Variants in TTC28 observed in about 807,000 individuals in gnomAD.
TTC28 encodes the protein tetratricopeptide repeat domain 28.
A neutral mutation model predicts 198.0 loss-of-function variants in TTC28; 61 were observed. That is an observed-to-expected ratio of 0.31 (90% CI 0.25 to 0.38). The LOEUF (loss-of-function observed/expected upper bound fraction) is 0.38. Among genes scored for constraint, TTC28 ranks in the 10% least tolerant of loss-of-function variants. The pLI is 1.00. For synonymous variants in TTC28, 1,171 were observed against 1,297.8 expected (o/e 0.90, Z 2.10); for missense variants, 2,678 against 3,164.0 (o/e 0.85, Z 3.69).
rs1941966186 is a variant in TTC28 at position 28,096,185 on chromosome 22, C to A, written c.3766+5G>T. Reference sequence around the variant, plus strand: ...TTGCCCTGTTCCCACAGAAAGAGATCTTACCTGCCCCAGGAGCCAGCAGCC... The same window carrying A: ...TTGCCCTGTTCCCACAGAAAGAGATATTACCTGCCCCAGGAGCCAGCAGCC... On this transcript the variant is annotated splice_donor_5th_base_variant and intron_variant, in intron 11 of 22. Transcript: ENST00000397906. 2 of 1,536,252 alleles carry A rather than the reference C, an allele frequency of 1.3e-6. No individual in the cohort carries two copies. The highest frequency in any genetic ancestry group is 1.4e-5 in the African/African-American group (1 of 72,842).
intron 8 of TTC28, among the ~76,000 whole-genome samples, chr22:28,103,274 C>G (rs558907452): frequency 1.3e-5 from 2 of 152,192 alleles, no homozygotes; most frequent in Non-Finnish European, 2.9e-5. Context: ...AATTGATCCA[C>G]GCTCCCTTTC....
chr22:28,389,393 AT>A (rs2046674997), intron 2 of TTC28, among the ~76,000 whole-genome samples: 1 of 151,232 alleles, frequency 6.6e-6, no homozygotes, highest in Non-Finnish European at 1.5e-5. Flanking sequence ...TTTTCTATTG[AT>A]TGGAATAGTT....
intron 2 of TTC28, among the ~76,000 whole-genome samples, chr22:28,556,542 G>A (rs1468492916): frequency 6.6e-6 from 1 of 152,082 alleles, no homozygotes; most frequent in Admixed American, 6.5e-5. Flanking sequence ...TTTTCTTTCT[G>A]GTTACTTTTA....
chr22:28,562,555 G>C (rs936939481), intron 2 of TTC28, among the ~76,000 whole-genome samples: 1 of 152,186 alleles, frequency 6.6e-6, no homozygotes, highest in East Asian at 1.9e-4. Context: ...AAACAAGAAT[G>C]AGCATGTACC....
In TTC28 at chr22:28,458,868, G is replaced by A. The variant is rs534717417; in HGVS notation, c.382-152225C>T. Among the ~76,000 whole-genome samples, 20 of 147,798 alleles carry A rather than the reference G, an allele frequency of 1.4e-4. No individual in the cohort carries two copies. The East Asian group carries it at 2.0e-3, about 15-fold the overall frequency. On this transcript the variant is annotated intron_variant, in intron 2 of 22. Coordinates refer to ENST00000397906, the MANE Select transcript of TTC28 (RefSeq NM_001145418.2). ...TGCACTCCAGCCTGGGTGACAGAGCGAGACTCCATCTCAAAAAAAAAAAAA... is the reference window on the plus strand; with the variant it reads ...TGCACTCCAGCCTGGGTGACAGAGCAAGACTCCATCTCAAAAAAAAAAAAA...
intron 12 of TTC28, among the ~76,000 whole-genome samples, chr22:28,061,838 T>C (rs1940554835): frequency 6.6e-6 from 1 of 152,214 alleles, no homozygotes; most frequent in African/African-American, 2.4e-5. Flanking sequence ...TATTCATTCT[T>C]CCTATCCATG....
intron 2 of TTC28, among the ~76,000 whole-genome samples, chr22:28,430,879 T>C (rs2047419413): frequency 2.5e-5 from 3 of 121,376 alleles, no homozygotes; most frequent in South Asian, 3.0e-4. Context: ...TTCCTTACCA[T>C]TGTAAAAGAA....
chr22:28,084,204 G>C (rs542269964), intron 12 of TTC28, among the ~76,000 whole-genome samples: 32 of 152,232 alleles, frequency 2.1e-4, no homozygotes, highest in Non-Finnish European at 4.1e-4. Flanking sequence ...AGAAAGGGCA[G>C]ACTGCCTCCT....
rs928680501 is a variant in TTC28 at position 28,385,335 on chromosome 22, C to G, written c.382-78692G>C. Among the ~76,000 whole-genome samples, 25 of 149,914 alleles carry G rather than the reference C, an allele frequency of 1.7e-4. 1 individual carries two copies. The highest frequency in any genetic ancestry group is 5.6e-4 in the African/African-American group (23 of 41,082). ...GTAACCTCCACCTCCTGGGTTCAAG[C>G]AATTCTCCTGCCTCAGCCTCCCAAG... On this transcript the variant is annotated intron_variant, in intron 2 of 22. Transcript: ENST00000397906.
chr22:28,310,487 G>C (rs1309942303), intron 2 of TTC28, among the ~76,000 whole-genome samples: 1 of 152,140 alleles, frequency 6.6e-6, no homozygotes, highest in East Asian at 1.9e-4. Flanking sequence ...CTGGAAGCAA[G>C]GAAAGACCTT....
At chr22:28,243,515 A>C (rs1231548327) in intron 5 of TTC28, among the ~76,000 whole-genome samples, 4 of 151,902 alleles carry the variant, frequency 2.6e-5, no homozygotes, top group Non-Finnish European at 1.5e-5. Context: ...GTATTTAACC[A>C]CAGGGAGTTT....
chr22:28,572,098 T>C (rs923951631), intron 2 of TTC28, among the ~76,000 whole-genome samples: 11 of 150,500 alleles, frequency 7.3e-5, no homozygotes, highest in Admixed American at 1.3e-4. Context: ...CTTTGGGAGG[T>C]TGAGGAAGGC....
At chr22:28,580,833 C>G (rs1569038502) in intron 2 of TTC28, among the ~76,000 whole-genome samples, 1 of 152,106 alleles carries the variant, frequency 6.6e-6, no homozygotes, top group African/African-American at 2.4e-5. Context: ...TCTGAAAGTA[C>G]AGCAAAGGCT....
In TTC28 at chr22:28,262,560, AAACT is replaced by A. The variant is rs533742895; in HGVS notation, c.933+33634_933+33637del. Among the ~76,000 whole-genome samples, 21 of 152,278 alleles carry A rather than the reference AAACT, an allele frequency of 1.4e-4. No homozygotes were observed. In the South Asian group the frequency reaches 3.9e-3, roughly 29 times the overall value. On this transcript the variant is annotated intron_variant, in intron 5 of 22. Transcript: ENST00000397906. ...TTTCTTAGTCACTGAAGCTTAATAT[AAACT>A]AACAGCCGATTTCTATAGCTTCCCC...
intron 2 of TTC28, among the ~76,000 whole-genome samples, chr22:28,468,690 A>ATTTTTTTTTTTTT (rs35984422): frequency 3.4e-4 from 42 of 122,304 alleles, no homozygotes; most frequent in Non-Finnish European, 5.7e-4. Flanking sequence ...CGCCCGGCTA[A>ATTTTTTTTTTTTT]TTTTTTTTTT....
At chr22:28,136,319 A>G (rs953700302) in intron 6 of TTC28, among the ~76,000 whole-genome samples, 2 of 151,844 alleles carry the variant, frequency 1.3e-5, no homozygotes, top group African/African-American at 4.8e-5. Context: ...TAATTTTTAA[A>G]ATTTTTCTGT....
intron 6 of TTC28, among the ~76,000 whole-genome samples, chr22:28,146,337 T>C (rs1306127999): frequency 6.6e-6 from 1 of 152,236 alleles, no homozygotes; most frequent in Non-Finnish European, 1.5e-5. Context: ...GTAAAGGATT[T>C]AGCACATAGG....
chr22:28,647,383 A>G (rs774907996), intron 1 of TTC28, among the ~76,000 whole-genome samples: 1 of 152,192 alleles, frequency 6.6e-6, no homozygotes, highest in Non-Finnish European at 1.5e-5. Context: ...AAATAAATAA[A>G]TAGGACTTAA....
At chr22:28,385,543 A>G (rs1361809850) in intron 2 of TTC28, among the ~76,000 whole-genome samples, 2 of 151,966 alleles carry the variant, frequency 1.3e-5, no homozygotes, top group African/African-American at 4.8e-5. Context: ...TATAATACCT[A>G]CTTTTCAGGA....
Sources: allele counts gnomAD v4.1 joint callset (sites outside exome capture counted in the v4.1 genomes callset), GRCh38; gene constraint gnomAD v4.1.1; transcripts MANE v1.5; gene names NCBI Gene and HGNC (gene_info 2026-07-23, HGNC 2026-07-21).